The following PACS1 variants were observed in gnomAD, a reference collection of about 807,000 sequenced individuals.
The protein encoded by PACS1 is PACS-1.
PACS1 carries 24 observed loss-of-function variants against 115.0 expected under a neutral mutation model. The ratio of observed to expected loss-of-function variants is 0.21; its 90% confidence interval spans 0.15 to 0.29. PACS1 has a LOEUF of 0.29. PACS1 is among the 10% of genes least tolerant of loss of function. The pLI is 1.00. For missense variants in PACS1, 838 were observed against 1,251.2 expected (o/e 0.67, Z 4.98); for synonymous variants, 453 against 504.5 (o/e 0.90, Z 1.37).
intron 1 of PACS1, among the ~76,000 whole-genome samples, chr11:66,086,656 G>A (rs541914763): frequency 2.0e-5 from 3 of 151,840 alleles, no homozygotes; most frequent in African/African-American, 7.2e-5. Flanking sequence ...CATTCTGTCC[G>A]CCAGGCTGGA....
intron 4 of PACS1, among the ~76,000 whole-genome samples, chr11:66,211,768 A>T (rs1353719680): frequency 6.6e-6 from 1 of 152,156 alleles, no homozygotes; most frequent in East Asian, 1.9e-4. Flanking sequence ...TTGAGATAAG[A>T]TTGCCGTCTA....
At chr11:66,217,263 C>T (rs1389343564) in intron 7 of PACS1, 3 of 301,314 alleles carry the variant, frequency 1.0e-5, no homozygotes, top group Non-Finnish European at 2.0e-5. Context: ...CCTGCCTTAA[C>T]GGATCCATAA....
rs149295495 is a variant in PACS1, at chr11:66,102,094, A to G, written c.356+31252A>G. 6.0e-4 allele frequency among the ~76,000 whole-genome samples: 92 copies of G among 152,304 alleles called. No individual in the cohort carries two copies. The East Asian group carries it at 0.016, about 26-fold the overall frequency. ...GCATTTAAAATTTGAAACCAGAGCT[A>G]CCTGATGGGAACATCCTTGATCTCT... On this transcript the variant is annotated intron_variant, in intron 1 of 23. Transcript: ENST00000320580.
At chr11:66,229,211 CAAAAAAAAA>C (rs386374029) in intron 11 of PACS1, among the ~76,000 whole-genome samples, 13 of 63,222 alleles carry the variant, frequency 2.1e-4, no homozygotes, top group African/African-American at 4.3e-4. Flanking sequence ...CCCGTCTCTA[CAAAAAAAAA>C]AAAAAAAAAA....
intron 1 of PACS1, among the ~76,000 whole-genome samples, chr11:66,075,267 G>A (rs966878521): frequency 6.6e-6 from 1 of 152,072 alleles, no homozygotes; most frequent in Non-Finnish European, 1.5e-5. Flanking sequence ...TTGAGACACA[G>A]TCTTGCTTTT....
intron 1 of PACS1, among the ~76,000 whole-genome samples, chr11:66,138,402 C>T (rs990114965): frequency 3.3e-5 from 5 of 152,042 alleles, no homozygotes; most frequent in Non-Finnish European, 7.4e-5. Context: ...TAATAAGTCC[C>T]CAGGCCATGC....
intron 1 of PACS1, among the ~76,000 whole-genome samples, chr11:66,181,055 G>A (rs1859998856): frequency 6.6e-6 from 1 of 151,992 alleles, no homozygotes. Context: ...TATTGTTCTT[G>A]TCTGCAGAAG....
chr11:66,079,634 C>T (rs1340145148), intron 1 of PACS1, among the ~76,000 whole-genome samples: 1 of 152,128 alleles, frequency 6.6e-6, no homozygotes, highest in Admixed American at 6.6e-5. Flanking sequence ...GTCACACCCC[C>T]TCTATAATCT....
At position 66,168,750 on chromosome 11, in the gene PACS1, ATATGTG is replaced by A. The variant is rs1280909272; in HGVS notation, c.357-24734_357-24729del. On this transcript the variant is annotated intron_variant, in intron 1 of 23. Transcript: ENST00000320580. ...GTTGCTTCCTAAATAGTATATATATATATGTGTGTGTGTGTGTGTGTGTGTGTGTAT... is the reference window on the plus strand; with the variant it reads ...GTTGCTTCCTAAATAGTATATATATATGTGTGTGTGTGTGTGTGTGTGTAT... 5.2e-4 allele frequency among the ~76,000 whole-genome samples: 74 copies of A among 142,644 alleles called. 3 individuals are homozygous for A. Among genetic ancestry groups the A allele is most frequent in the African/African-American group, 9.9e-4 (35 of 35,394 alleles). 93.6% of individuals were successfully genotyped at this position (142,644 alleles called of 152,430 possible). A position where few individuals can be genotyped will look rare whatever the true frequency, so the allele number is the denominator to read the frequency against.
Position 66,070,892 on chromosome 11 carries a change from G to C in PACS1, c.356+50G>C. On this transcript the variant is annotated intron_variant, in intron 1 of 23. Transcript: ENST00000320580. The surrounding 1 kb of genome is among the most constrained non-coding windows in gnomAD (Gnocchi z 5.9). ...GCGCCGGGGGAGCGGGGTGGCCGCC[G>C]GGGCCCAGCCCTCCCCGCCCCAGCG... is the stretch of plus-strand genomic sequence containing the variant. The C allele has an allele frequency of 2.2e-6, 3 of 1,389,816 alleles. No individual in the cohort carries two copies. The highest frequency in any genetic ancestry group is 2.8e-6 in the Non-Finnish European group (3 of 1,081,034). 86.1% of individuals were successfully genotyped at this position (1,389,816 alleles called of 1,614,324 possible).
chr11:66,220,324 C>T, intron 8 of PACS1: 1 of 377,268 alleles, frequency 2.7e-6, no homozygotes, highest in Non-Finnish European at 4.8e-6. Context: ...GCTTCGCCTT[C>T]CTGTGAGCTG....
At chr11:66,134,416 G>C (rs1024301300) in intron 1 of PACS1, among the ~76,000 whole-genome samples, 7 of 151,566 alleles carry the variant, frequency 4.6e-5, no homozygotes, top group Non-Finnish European at 1.0e-4. Flanking sequence ...ACAGGTGCCT[G>C]CCACTACACC....
rs749490586 is a variant in PACS1, at chr11:66,230,802, C to T, written c.1491-3C>T. The stretch of plus-strand genomic sequence containing the variant: ...CACCAGCCTTTTTCCACCTCCCTGG[C>T]AGCAAAGTGGAGGGGGTGCACACAC... On this transcript the variant is annotated splice_region_variant and splice_polypyrimidine_tract_variant and intron_variant, in intron 12 of 23. Coordinates refer to ENST00000320580, the MANE Select transcript of PACS1 (RefSeq NM_018026.4). The T allele has an allele frequency of 6.2e-6, 10 of 1,614,004 alleles. No individual in the cohort carries two copies. The Middle Eastern group carries it at 6.6e-4, about 106-fold the overall frequency.
At chr11:66,158,531 T>C (rs1369834800) in intron 1 of PACS1, among the ~76,000 whole-genome samples, 1 of 152,108 alleles carries the variant, frequency 6.6e-6, no homozygotes, top group South Asian at 2.1e-4. Context: ...TGATACCCTG[T>C]CTCTACAAAA....
At chr11:66,210,519 C>T in intron 3 of PACS1, 68 bp downstream of exon 3, 1 of 1,116,076 alleles carries the variant, frequency 9.0e-7, no homozygotes, top group East Asian at 2.4e-5. Flanking sequence ...AGTCCTCTAA[C>T]CCAGAGACTG....
intron 3 of PACS1, 82 bp from the exon 4 acceptor site, chr11:66,211,052 C>T: frequency 1.3e-6 from 2 of 1,500,968 alleles, no homozygotes; most frequent in Non-Finnish European, 1.8e-6. Flanking sequence ...AATTGAAGCA[C>T]AGAAAGACTG....
chr11:66,201,374 A>G (rs1282816950), intron 2 of PACS1, among the ~76,000 whole-genome samples: 1 of 152,240 alleles, frequency 6.6e-6, no homozygotes, highest in African/African-American at 2.4e-5. Context: ...TAAATTAAAA[A>G]GGAAAATTGA....
chr11:66,101,870 G>A (rs957561890), intron 1 of PACS1, among the ~76,000 whole-genome samples: 16 of 152,204 alleles, frequency 1.1e-4, no homozygotes, highest in Admixed American at 6.5e-5. Context: ...TTAGTGGTGG[G>A]CCCAGACAGT....
At chr11:66,161,547 C>T (rs1859488170) in intron 1 of PACS1, among the ~76,000 whole-genome samples, 1 of 152,020 alleles carries the variant, frequency 6.6e-6, no homozygotes, top group Non-Finnish European at 1.5e-5. Context: ...TCTTAGTTCC[C>T]CCTAGCTAAC....
Sources: gnomAD v4.1 joint callset for allele counts (sites outside exome capture counted in the v4.1 genomes callset) on GRCh38, gnomAD v4.1.1 for gene constraint, Gnocchi (gnomAD v3.1) non-coding constraint, MANE v1.5 for transcripts, NCBI Gene and HGNC (gene_info 2026-07-23, HGNC 2026-07-21) for gene names.